The following TMC1 variants were observed in gnomAD, a reference collection of about 807,000 sequenced individuals.
The protein encoded by TMC1 is transmembrane channel-like protein 1.
A neutral mutation model predicts 105.8 loss-of-function variants in TMC1; 84 were observed. The observed-to-expected ratio is 0.79, with a 90% CI of 0.67 to 0.95. The LOEUF is 0.95. TMC1 is among the 40% of genes least tolerant of loss of function. The probability of loss-of-function intolerance (pLI) is 0.00; values close to 1 mark genes in which losing one functional copy is unlikely to be tolerated. For synonymous variants in TMC1, 315 were observed against 311.5 expected, an observed-to-expected ratio of 1.01 and a Z score of -0.12; for missense variants, 817 against 914.1, an observed-to-expected ratio of 0.89 and a Z score of 1.37.
chr9:72,613,996 G>A (rs1356379165), intron 2 of TMC1, among the ~76,000 whole-genome samples: 2 of 152,164 alleles, frequency 1.3e-5, no homozygotes, highest in African/African-American at 4.8e-5. Flanking sequence ...GAGAAAGAGA[G>A]GAAAGGATGG....
chr9:72,550,773 T>A (rs1823849225), intron 1 of TMC1, among the ~76,000 whole-genome samples: 1 of 151,916 alleles, frequency 6.6e-6, no homozygotes, highest in Non-Finnish European at 1.5e-5. Context: ...TCTCCCAAGA[T>A]GTTCAGGTCC....
intron 2 of TMC1, among the ~76,000 whole-genome samples, chr9:72,580,149 G>A (rs1027262168): frequency 1.3e-5 from 2 of 152,132 alleles, no homozygotes; most frequent in East Asian, 3.9e-4. Context: ...CATCTCAGAC[G>A]TACTGAATCA....
intron 5 of TMC1, among the ~76,000 whole-genome samples, chr9:72,663,479 TATC>T (rs1241866511): frequency 2.0e-5 from 3 of 152,214 alleles, no homozygotes; most frequent in African/African-American, 4.8e-5. Flanking sequence ...AAAGGGCTGT[TATC>T]ATCTTTGTTT....
At chr9:72,551,090 A>C (rs1213276105) in intron 1 of TMC1, among the ~76,000 whole-genome samples, 1 of 152,164 alleles carries the variant, frequency 6.6e-6, no homozygotes, top group Admixed American at 6.6e-5. Flanking sequence ...CTGAGAGTGA[A>C]GGAATGCAAG....
chr9:72,547,728 G>C (rs1823795832), intron 1 of TMC1, among the ~76,000 whole-genome samples: 2 of 152,294 alleles, frequency 1.3e-5, no homozygotes, highest in South Asian at 4.1e-4. Context: ...CAAAGACTTG[G>C]AGATAGGAAC....
chr9:72,741,865 T>C (rs926899057), intron 9 of TMC1, among the ~76,000 whole-genome samples: 3 of 152,162 alleles, frequency 2.0e-5, no homozygotes, highest in Non-Finnish European at 2.9e-5. Flanking sequence ...TTTTATGACT[T>C]GTTGTCTTCT....
intron 8 of TMC1, among the ~76,000 whole-genome samples, chr9:72,721,123 T>G (rs1827016769): frequency 6.6e-6 from 1 of 152,212 alleles, no homozygotes; most frequent in Non-Finnish European, 1.5e-5. Flanking sequence ...GACGTAAATA[T>G]TTTTGAGCTG....
At chr9:72,821,202 A>G in intron 20 of TMC1, 121 bp downstream of exon 20, 1 of 1,485,390 alleles carries the variant, frequency 6.7e-7, no homozygotes, top group Non-Finnish European at 9.3e-7. Context: ...GTTGGTGGAA[A>G]TGAGATCCCG....
At chr9:72,621,726 A>C (rs1825253159) in intron 3 of TMC1, among the ~76,000 whole-genome samples, 1 of 152,164 alleles carries the variant, frequency 6.6e-6, no homozygotes, top group Admixed American at 6.5e-5. Flanking sequence ...CCCTCCGAGA[A>C]TCATGCAGAT....
intron 8 of TMC1, among the ~76,000 whole-genome samples, chr9:72,738,293 C>T (rs1055757250): frequency 1.2e-4 from 18 of 152,104 alleles, no homozygotes; most frequent in African/African-American, 3.1e-4. Context: ...AATGAGGCCC[C>T]ACTCCCTAGT....
intron 8 of TMC1, among the ~76,000 whole-genome samples, chr9:72,729,371 T>C (rs1301817261): frequency 6.6e-6 from 1 of 152,130 alleles, no homozygotes; most frequent in Non-Finnish European, 1.5e-5. Context: ...TAAGAGGTTA[T>C]GAAAATGTAC....
intron 13 of TMC1, among the ~76,000 whole-genome samples, chr9:72,777,597 G>A (rs1054662320): frequency 2.0e-5 from 3 of 152,162 alleles, no homozygotes; most frequent in Non-Finnish European, 4.4e-5. Context: ...GAGCAGAAAA[G>A]CAACGAGGTA....
intron 1 of TMC1, among the ~76,000 whole-genome samples, chr9:72,531,126 C>G (rs971144252): frequency 1.3e-5 from 2 of 152,202 alleles, no homozygotes; most frequent in East Asian, 3.9e-4. Flanking sequence ...GCATGAGCCA[C>G]TGCACCTGGC....
intron 1 of TMC1, among the ~76,000 whole-genome samples, chr9:72,544,387 C>G (rs1823729418): frequency 6.6e-6 from 1 of 152,020 alleles, no homozygotes; most frequent in South Asian, 2.1e-4. Flanking sequence ...CTTCAAACAC[C>G]CCACATTCTT....
chr9:72,588,388 G>GT (rs886854991), intron 2 of TMC1, among the ~76,000 whole-genome samples: 56 of 152,298 alleles, frequency 3.7e-4, no homozygotes, highest in African/African-American at 1.3e-3. Context: ...AAACCTGGGA[G>GT]TAACTCAAAG....
intron 6 of TMC1, among the ~76,000 whole-genome samples, chr9:72,692,384 G>T (rs1826480095): frequency 6.6e-6 from 1 of 152,124 alleles, no homozygotes; most frequent in Non-Finnish European, 1.5e-5. Context: ...TTTTCTACCA[G>T]CTACCTAGCT....
At position 72,751,910 on chromosome 9, in the gene TMC1, A is replaced by G. The variant is rs756960425; in HGVS notation, c.596A>G (p.Asn199Ser). 3 of 1,613,594 alleles carry G rather than the reference A, an allele frequency of 1.9e-6. No individual in the cohort carries two copies. Among genetic ancestry groups the G allele is most frequent in the African/African-American group, 2.7e-5 (2 of 74,914 alleles). ...TTCTTGAGATGGATGTATGGAGTCAATATGGTTCTCTTTATCCTGACATTT... is the reference window on the plus strand; with the variant it reads ...TTCTTGAGATGGATGTATGGAGTCAGTATGGTTCTCTTTATCCTGACATTT... Reference protein sequence around the residue: ...FLFLRWMYGVNMVLFILTFSL... With the variant: ...FLFLRWMYGVSMVLFILTFSL... Residue 199 changes from asparagine (N) to serine (S), a missense_variant, in exon 11 of 24, where the codon AAT becomes AGT. Transcript: ENST00000297784.
At chr9:72,634,648 C>T (rs571424821) in intron 4 of TMC1, among the ~76,000 whole-genome samples, 4 of 152,294 alleles carry the variant, frequency 2.6e-5, no homozygotes, top group Admixed American at 6.5e-5. Context: ...AAGGTGGTTT[C>T]ATGGCCCCAC....
intron 5 of TMC1, among the ~76,000 whole-genome samples, chr9:72,654,030 A>G (rs561981806): frequency 6.6e-6 from 1 of 152,286 alleles, no homozygotes; most frequent in African/African-American, 2.4e-5. Context: ...TTATCCATTC[A>G]CCAGTTAATG....
Sources: allele counts gnomAD v4.1 joint callset (sites outside exome capture counted in the v4.1 genomes callset), GRCh38; gene constraint gnomAD v4.1.1; transcripts MANE v1.5; gene names NCBI Gene and HGNC (gene_info 2026-07-23, HGNC 2026-07-21).